DLG5: variants seen among roughly 807,000 people sequenced by gnomAD.
DLG5 encodes the protein discs large MAGUK scaffold protein 5.
DLG5 carries 48 observed loss-of-function variants against 189.8 expected under a neutral mutation model. That is an observed-to-expected ratio of 0.25 (90% CI 0.20 to 0.32). The LOEUF (loss-of-function observed/expected upper bound fraction) is 0.32. DLG5 is among the 10% of genes least tolerant of loss of function. The pLI is 1.00. For synonymous variants in DLG5, 1,016 were observed against 1,054.1 expected (o/e 0.96, Z 0.70); for missense variants, 2,160 against 2,544.7 (o/e 0.85, Z 3.25).
chr10:77,891,610 ACACACG>A (rs1435723824), intron 1 of DLG5, among the ~76,000 whole-genome samples: 3 of 142,414 alleles, frequency 2.1e-5, no homozygotes, highest in Non-Finnish European at 4.7e-5. Context: ...ACACACACAC[ACACACG>A]AGAAGAAAGC....
intron 1 of DLG5, among the ~76,000 whole-genome samples, chr10:77,916,143 C>T (rs1451170665): frequency 2.0e-5 from 3 of 152,020 alleles, no homozygotes; most frequent in Non-Finnish European, 4.4e-5. Context: ...TTGCTTGAGC[C>T]CAGGAGGTTG....
chr10:77,871,825 G>A (rs1167893964), intron 1 of DLG5, among the ~76,000 whole-genome samples: 1 of 152,036 alleles, frequency 6.6e-6, no homozygotes, highest in African/African-American at 2.4e-5. Flanking sequence ...TTACAGGCAT[G>A]AGCCACCATG....
chr10:77,854,278 G>A lies in DLG5; in HGVS notation c.629C>T (p.Thr210Ile). 1 of 1,614,188 alleles carries A rather than the reference G, an allele frequency of 6.2e-7. No individual in the cohort carries two copies. The highest frequency in any genetic ancestry group is 8.5e-7 in the Non-Finnish European group (1 of 1,180,040). Residue 210 changes from threonine (T) to isoleucine (I), a missense_variant, in exon 4 of 32, where the codon ACC becomes ATC. Around this residue, in one of 5 missense-constraint regions of DLG5, gnomAD observed 664 missense variants for 838.5 expected, o/e 0.79. Coordinates refer to ENST00000372391, the MANE Select transcript of DLG5 (RefSeq NM_004747.4). ...SDLQSLQNQHTNALKRCEEVA... is the reference protein window; with the variant it reads ...SDLQSLQNQHINALKRCEEVA... ...CTCCTCACACCTCTTCAAGGCGTTG[G>A]TGTGCTGGTTCTGCAGGCTCTGCAG...
intron 1 of DLG5, among the ~76,000 whole-genome samples, chr10:77,886,362 C>A (rs1251877584): frequency 1.4e-5 from 2 of 147,940 alleles, no homozygotes; most frequent in African/African-American, 5.1e-5. Context: ...CACTAGAGAA[C>A]CGTGTGAGAG....
chr10:77,810,944 T>G (rs1266139114), intron 23 of DLG5, 150 bp downstream of exon 23: 3 of 907,518 alleles, frequency 3.3e-6, no homozygotes, highest in East Asian at 5.5e-5. Flanking sequence ...AAAAAAGGAA[T>G]GCCGTGCTCC....
chr10:77,834,860 T>C (rs926895566), intron 8 of DLG5, among the ~76,000 whole-genome samples: 2 of 151,998 alleles, frequency 1.3e-5, no homozygotes, highest in African/African-American at 4.8e-5. Context: ...TGCTCTCCAT[T>C]AGCAGGGCCT....
chr10:77,897,077 CA>C (rs1349085504), intron 1 of DLG5, among the ~76,000 whole-genome samples: 1 of 152,008 alleles, frequency 6.6e-6, no homozygotes, highest in African/African-American at 2.4e-5. Context: ...ATTAAAAAGC[CA>C]GGCATGGTGG....
chr10:77,818,283 C>T (rs1171938165), intron 17 of DLG5, among the ~76,000 whole-genome samples: 1 of 152,126 alleles, frequency 6.6e-6, no homozygotes, highest in African/African-American at 2.4e-5. Flanking sequence ...GACCTATGTG[C>T]CTCACTCGGG....
intron 2 of DLG5, among the ~76,000 whole-genome samples, chr10:77,867,562 AAAGT>A (rs1365130623): frequency 6.6e-5 from 10 of 152,196 alleles, no homozygotes; most frequent in Admixed American, 3.9e-4. Flanking sequence ...CAGGCAGAAC[AAAGT>A]AATAGGATAC....
Position 77,926,537 on chromosome 10 carries a change from GC to G in DLG5, c.-18del, listed in dbSNP as rs971226228. The G allele has an allele frequency of 9.4e-5, 117 of 1,244,438 alleles. No individual in the cohort carries two copies. In the African/African-American group the frequency reaches 1.3e-3, roughly 14 times the overall value. 77.1% of individuals were successfully genotyped at this position (1,244,438 alleles called of 1,614,324 possible). ...GGGCTCCATGGTGGCGGGCCGCGCC[GC>G]CCCGCCCCGCCGGACGCCTCCCGGG... On this transcript the variant is annotated 5_prime_UTR_variant, in exon 1 of 32. Coordinates refer to ENST00000372391, the MANE Select transcript of DLG5 (RefSeq NM_004747.4). The surrounding 1 kb of genome is among the most constrained non-coding windows in gnomAD (Gnocchi z 5.2).
intron 24 of DLG5, 36 bp downstream of exon 24, chr10:77,809,511 A>G: frequency 1.3e-6 from 2 of 1,584,038 alleles, no homozygotes; most frequent in Non-Finnish European, 1.7e-6. Context: ...GTGCAGGTAG[A>G]TGGAGGCCTG....
chr10:77,821,650 C>G lies in DLG5; in HGVS notation c.2834G>C (p.Gly945Ala). The G allele has an allele frequency of 1.2e-6, 2 of 1,613,122 alleles. No individual in the cohort carries two copies. The highest frequency in any genetic ancestry group is 1.1e-5 in the South Asian group (1 of 91,080). ...KADSEGSNSG[G>A]TWPKAMLSST... Reference sequence around the variant, plus strand: ...GCTGAGCATGGCCTTGGGCCAGGTCCCGCCGCTGTTGGAGCCTTCAGAGTC... The same window carrying G: ...GCTGAGCATGGCCTTGGGCCAGGTCGCGCCGCTGTTGGAGCCTTCAGAGTC... The change falls in exon 15 of 32, where the codon GGG becomes GCG. Residue 945 changes from glycine (G) to alanine (A), a missense_variant. Gly to Ala is a moderately conservative substitution (Grantham distance 60). Around this residue, in one of 5 missense-constraint regions of DLG5, gnomAD observed 754 missense variants for 746.5 expected, o/e 1.01. Coordinates refer to ENST00000372391, the MANE Select transcript of DLG5 (RefSeq NM_004747.4).
the DLG5 span, among the ~76,000 whole-genome samples, chr10:77,934,306 G>A: frequency 1.1e-4 from 16 of 147,958 alleles, no homozygotes; most frequent in African/African-American, 3.7e-4. Context: ...GGGAGGCAGA[G>A]GTTGCAGTGA....
intron 27 of DLG5, among the ~76,000 whole-genome samples, chr10:77,798,098 A>C (rs1841015548): frequency 6.6e-6 from 1 of 152,138 alleles, no homozygotes; most frequent in Non-Finnish European, 1.5e-5. Flanking sequence ...GAAGCACAAC[A>C]ATCACTTGAA....
intron 19 of DLG5, 144 bp downstream of exon 19, chr10:77,816,862 AC>A: frequency 7.5e-7 from 1 of 1,328,360 alleles, no homozygotes; most frequent in Non-Finnish European, 1.1e-6. Context: ...TACCCCCCAC[AC>A]CACCAGGCCT....
intron 2 of DLG5, among the ~76,000 whole-genome samples, chr10:77,864,550 A>C (rs1196368887): frequency 6.6e-6 from 1 of 152,222 alleles, no homozygotes; most frequent in Non-Finnish European, 1.5e-5. Context: ...TTCACTAGAG[A>C]ACCTGCTAGG....
At chr10:77,928,281 CATG>C (rs1846751414), upstream of DLG5, 1 of 152,182 alleles carries the variant, frequency 6.6e-6, no homozygotes, top group Admixed American at 6.6e-5. Flanking sequence ...AAGCTTTTGA[CATG>C]ATCTCAACTT....
chr10:77,898,008 G>A (rs1420603473), intron 1 of DLG5, among the ~76,000 whole-genome samples: 2 of 152,158 alleles, frequency 1.3e-5, no homozygotes, highest in South Asian at 2.1e-4. Context: ...TCCTGTGATT[G>A]CCCATTCAGG....
At chr10:77,849,627 C>T (rs976299859) in intron 5 of DLG5, among the ~76,000 whole-genome samples, 1 of 152,208 alleles carries the variant, frequency 6.6e-6, no homozygotes, top group Non-Finnish European at 1.5e-5. Context: ...GCATCCCCAC[C>T]CCCGCCCCTG....
Sources: allele counts gnomAD v4.1 joint callset (sites outside exome capture counted in the v4.1 genomes callset), GRCh38; gene constraint gnomAD v4.1.1; regional missense constraint gnomAD v4.1.1; non-coding constraint Gnocchi (gnomAD v3.1); transcripts MANE v1.5; gene names NCBI Gene and HGNC (gene_info 2026-07-23, HGNC 2026-07-21).